DST: variants seen among roughly 807,000 people sequenced by gnomAD.
DST encodes dystonin.
Under a neutral mutation model 875.2 loss-of-function variants are expected in DST, and 253 were observed. The observed-to-expected ratio is 0.29, with a 90% CI of 0.26 to 0.32. The LOEUF is 0.32. Ranked by LOEUF, DST falls within the 10% of genes least tolerant of loss-of-function variation. The pLI is 1.00. For synonymous variants in DST, 3,124 were observed against 3,197.1 expected, an observed-to-expected ratio of 0.98 and a Z score of 0.77; for missense variants, 8,287 against 9,111.6, an observed-to-expected ratio of 0.91 and a Z score of 3.68.
At chr6:56,799,352 C>T (rs2099744029) in intron 4 of DST, among the ~76,000 whole-genome samples, 1 of 148,780 alleles carries the variant, frequency 6.7e-6, no homozygotes, top group Non-Finnish European at 1.5e-5. Flanking sequence ...AAGAAACTAT[C>T]TCTCTTTTTT....
intron 3 of DST, among the ~76,000 whole-genome samples, chr6:56,869,589 A>G (rs1469873638): frequency 6.6e-6 from 1 of 151,966 alleles, no homozygotes; most frequent in East Asian, 1.9e-4. Flanking sequence ...TGGACAGAGA[A>G]GAAAAAAAAA....
intron 3 of DST, chr6:56,863,209 T>C (rs1772210751): frequency 6.6e-6 from 1 of 152,220 alleles, no homozygotes; most frequent in Admixed American, 6.5e-5. Flanking sequence ...CTCCATCCTT[T>C]ATTCATCCTT....
intron 4 of DST, among the ~76,000 whole-genome samples, chr6:56,777,863 T>C (rs1408564172): frequency 6.6e-6 from 1 of 151,898 alleles, no homozygotes; most frequent in African/African-American, 2.4e-5. Context: ...ACCTGGATAA[T>C]TTGGGGGCGT....
intron 3 of DST, among the ~76,000 whole-genome samples, chr6:56,887,781 C>A (rs933096117): frequency 6.6e-6 from 1 of 152,004 alleles, no homozygotes; most frequent in Non-Finnish European, 1.5e-5. Flanking sequence ...TTTCTCCAAG[C>A]AGAACACATG....
intron 15 of DST, among the ~76,000 whole-genome samples, chr6:56,644,913 G>A (rs984723284): frequency 1.3e-5 from 2 of 152,096 alleles, no homozygotes; most frequent in African/African-American, 2.4e-5. Flanking sequence ...ACTGAATCAC[G>A]GGGGCGATTT....
intron 4 of DST, among the ~76,000 whole-genome samples, chr6:56,774,917 G>A (rs1177825073): frequency 6.6e-6 from 1 of 151,336 alleles, no homozygotes; most frequent in African/African-American, 2.4e-5. Context: ...GCTGGAACCC[G>A]GGAGGCAGAG....
intron 69 of DST, among the ~76,000 whole-genome samples, chr6:56,522,308 A>T (rs1255944692): frequency 6.6e-6 from 1 of 152,172 alleles, no homozygotes; most frequent in African/African-American, 2.4e-5. Flanking sequence ...CAGGTAGTAA[A>T]TGCTGAGCCT....
At chr6:56,711,185 G>A (rs1406780488) in intron 5 of DST, among the ~76,000 whole-genome samples, 1 of 151,986 alleles carries the variant, frequency 6.6e-6, no homozygotes, top group Non-Finnish European at 1.5e-5. Context: ...CCACAAGGTG[G>A]AACTAGGTAG....
rs1212706119 is a variant in DST, at chr6:56,634,205, T to A, written c.3548A>T (p.Asn1183Ile). The change falls in exon 27 of 104, where the codon AAC becomes ATC. Residue 1183 changes from asparagine (N) to isoleucine (I), a missense_variant. Physicochemically the swap from Asn to Ile is moderately radical, Grantham distance 149. Coordinates refer to ENST00000680361, the MANE Select transcript of DST (RefSeq NM_001374736.1). ...ATGCCAGGATACTACACTCTTCATG[T>A]TTATGTGAGACTCATGCCAAAGAGT... ...VLTLWHESHI[N>I]MKSVVSWHYL... 6.2e-7 allele frequency: 1 copy of A among 1,613,740 alleles called. No individual in the cohort carries two copies. Among genetic ancestry groups the A allele is most frequent in the Admixed American group, 1.7e-5 (1 of 60,032 alleles).
At chr6:56,643,833 A>G (rs929020301) in intron 15 of DST, among the ~76,000 whole-genome samples, 3 of 152,258 alleles carry the variant, frequency 2.0e-5, no homozygotes, top group African/African-American at 4.8e-5. Flanking sequence ...AAATATAGTG[A>G]GTGAACAGAA....
intron 4 of DST, among the ~76,000 whole-genome samples, chr6:56,847,838 ATT>A (rs2099808847): frequency 6.6e-6 from 1 of 152,138 alleles, no homozygotes; most frequent in Admixed American, 6.5e-5. Flanking sequence ...CAACACATCC[ATT>A]TATCATATTA....
At position 56,735,244 on chromosome 6, in the gene DST, T is replaced by C; in HGVS notation, c.671A>G (p.Asn224Ser). Reference sequence around the variant, plus strand: ...AAAACTGACCTTCATGAGATGCTGATTTATCCATTTTGTAAATGTTTTCTT... The same window carrying C: ...AAAACTGACCTTCATGAGATGCTGACTTATCCATTTTGTAAATGTTTTCTT... ...VQKKTFTKWI[N>S]QHLMKVRKHV... The change falls in exon 5 of 104, where the codon AAT becomes AGT. Residue 224 changes from asparagine (N) to serine (S), a missense_variant. Physicochemically the swap from Asn to Ser is conservative, Grantham distance 46. Coordinates refer to ENST00000680361, the MANE Select transcript of DST (RefSeq NM_001374736.1). 1 of 1,551,172 alleles carries C rather than the reference T, an allele frequency of 6.4e-7. No homozygotes were observed. Among genetic ancestry groups the C allele is most frequent in the Non-Finnish European group, 8.7e-7 (1 of 1,145,224 alleles).
chr6:56,784,648 A>C (rs557325125), intron 4 of DST, among the ~76,000 whole-genome samples: 1 of 152,262 alleles, frequency 6.6e-6, no homozygotes, highest in Admixed American at 6.5e-5. Flanking sequence ...CAGAGTTTTC[A>C]ACTTCTTTGC....
chr6:56,571,985 C>T, intron 53 of DST, 115 bp downstream of exon 53: 1 of 458,868 alleles, frequency 2.2e-6, no homozygotes, highest in Non-Finnish European at 3.5e-6. Flanking sequence ...TAAAGTAGCC[C>T]TATGCTTATT....
At position 56,555,466 on chromosome 6, in the gene DST, T is replaced by A; in HGVS notation, c.15015A>T (p.Lys5005Asn). The change falls in exon 60 of 104, where the codon AAA (lysine) becomes AAT (asparagine). Residue 5005 changes from lysine (K) to asparagine (N), a missense_variant. Physicochemically the swap from Lys to Asn is moderately conservative, Grantham distance 94. Coordinates refer to ENST00000680361, the MANE Select transcript of DST (RefSeq NM_001374736.1). ...QEIQQEKKQI[K>N]VAQALCEDLS... ...AATCCTCACAGAGTGCCTGGGCCAC[T>A]TTTATCTGCTTCTTTTCCTGCTGTA... The A allele has an allele frequency of 6.2e-7, 1 of 1,614,048 alleles. No individual in the cohort carries two copies. Among genetic ancestry groups the A allele is most frequent in the African/African-American group, 1.3e-5 (1 of 75,068 alleles).
At chr6:56,940,288 T>C (rs1815786761) in intron 2 of DST, among the ~76,000 whole-genome samples, 1 of 151,792 alleles carries the variant, frequency 6.6e-6, no homozygotes, top group Non-Finnish European at 1.5e-5. Flanking sequence ...TTTATGGATA[T>C]ATATAAAAAT....
At chr6:56,559,754 T>C (rs1241129700) in intron 58 of DST, among the ~76,000 whole-genome samples, 1 of 152,108 alleles carries the variant, frequency 6.6e-6, no homozygotes, top group Non-Finnish European at 1.5e-5. Context: ...AAGAAAATTC[T>C]GTACCTCCGA....
chr6:56,825,381 T>C (rs368898874), intron 4 of DST, among the ~76,000 whole-genome samples: 18,346 of 148,634 alleles, frequency 0.12, 1,343 homozygotes, highest in Non-Finnish European at 0.18. Context: ...CAGGGTCCTC[T>C]GCCTAGGAAA....
chr6:56,655,215 C>T lies in DST; in HGVS notation c.1215-3971G>A, dbSNP rs140910662. Among the ~76,000 whole-genome samples the T allele has an allele frequency of 3.3e-3, 480 of 146,648 alleles. 5 individuals are homozygous for T. Among genetic ancestry groups the T allele is most frequent in the East Asian group, 0.01 (51 of 5,038 alleles). ...CACAACAGACCACTGAAGGCTTCCACAATATATCATGGCAAACACCAATAC... is the reference window on the plus strand; with the variant it reads ...CACAACAGACCACTGAAGGCTTCCATAATATATCATGGCAAACACCAATAC... On this transcript the variant is annotated intron_variant, in intron 10 of 103. Coordinates refer to ENST00000680361, the MANE Select transcript of DST (RefSeq NM_001374736.1).
Sources: allele counts gnomAD v4.1 joint callset (sites outside exome capture counted in the v4.1 genomes callset), GRCh38; gene constraint gnomAD v4.1.1; transcripts MANE v1.5; gene names NCBI Gene and HGNC (gene_info 2026-07-23, HGNC 2026-07-21).